TCF12: variants seen among roughly 807,000 people sequenced by gnomAD.
The protein encoded by TCF12 is transcription factor 12, also known as DNA-binding protein HTF4.
Under a neutral mutation model 86.0 loss-of-function variants are expected in TCF12, and 45 were observed. The ratio of observed to expected loss-of-function variants is 0.52; its 90% CI spans 0.41 to 0.67. The LOEUF is 0.67. Among genes scored for constraint, TCF12 ranks in the 30% least tolerant of loss-of-function variants. The probability of loss-of-function intolerance (pLI) is 0.00; values close to 1 mark genes in which losing one functional copy is unlikely to be tolerated. For synonymous variants in TCF12, 330 were observed against 299.6 expected, an observed-to-expected ratio of 1.10 and a Z score of -1.05; for missense variants, 881 against 859.9, an observed-to-expected ratio of 1.02 and a Z score of -0.31.
Position 57,282,442 on chromosome 15 carries a change from T to C in TCF12, c.1979-3T>C, listed in dbSNP as rs2152135053. 6.2e-7 allele frequency: 1 copy of C among 1,614,144 alleles called. No homozygotes were observed. The highest frequency in any genetic ancestry group is 8.5e-7 in the Non-Finnish European group (1 of 1,180,032). On this transcript the variant is annotated splice_region_variant and splice_polypyrimidine_tract_variant and intron_variant, in intron 19 of 20. Coordinates refer to ENST00000333725, the MANE Select transcript of TCF12 (RefSeq NM_207037.2). The stretch of plus-strand genomic sequence containing the variant: ...TGATAAAAATTCTTTCCCCCTGTTT[T>C]AGAGAGGAACCTTAACCCCAAAGCA...
chr15:56,926,458 A>G (rs1291818724), intron 3 of TCF12, among the ~76,000 whole-genome samples: 1 of 152,244 alleles, frequency 6.6e-6, no homozygotes, highest in East Asian at 1.9e-4. Flanking sequence ...CTGAAGAGTC[A>G]GGGAACTGGC....
chr15:56,998,309 T>A (rs569429146), intron 3 of TCF12, among the ~76,000 whole-genome samples: 1 of 151,880 alleles, frequency 6.6e-6, no homozygotes, highest in African/African-American at 2.4e-5. Flanking sequence ...ATACAAAAAT[T>A]AGTTGGGTGT....
rs1056701399 is a variant in TCF12, at chr15:56,963,424, C to T, written c.148+42326C>T. On this transcript the variant is annotated intron_variant, in intron 3 of 20. Coordinates refer to ENST00000333725, the MANE Select transcript of TCF12 (RefSeq NM_207037.2). ...TGTCTGAGGAAAGCTTAGTTCTAGG[C>T]AGAATTTAGCTTTGTTGTTTTTGAT... 3.0e-4 allele frequency among the ~76,000 whole-genome samples: 46 copies of T among 152,140 alleles called. 1 individual carries two copies. The highest frequency in any genetic ancestry group is 5.9e-5 in the Non-Finnish European group (4 of 68,012).
intron 2 of TCF12, among the ~76,000 whole-genome samples, chr15:56,920,506 G>GTGTGTGTGTGTGTGTA (rs770350482): frequency 2.6e-5 from 4 of 151,050 alleles, no homozygotes; most frequent in Admixed American, 6.6e-5. Context: ...GTGTGTGTGT[G>GTGTGTGTGTGTGTGTA]TGTATTATGT....
chr15:57,213,495 A>G (rs2058202599), intron 8 of TCF12, among the ~76,000 whole-genome samples: 1 of 152,252 alleles, frequency 6.6e-6, no homozygotes, highest in Admixed American at 6.5e-5. Flanking sequence ...ATTGGGGACC[A>G]AAAAATAACT....
rs542412451 is a variant in TCF12 at position 57,286,503 on chromosome 15, A to G, written c.*358A>G. The G allele has an allele frequency of 2.6e-6, 1 of 391,344 alleles. No individual in the cohort carries two copies. Among genetic ancestry groups the G allele is most frequent in the Admixed American group, 3.3e-5 (1 of 30,524 alleles). The allele number at this position is 391,344 out of a possible 1,614,324, so 24.2% of individuals were successfully genotyped here. On this transcript the variant is annotated 3_prime_UTR_variant, in exon 21 of 21. Transcript: ENST00000333725. ...CTGAATTGACAAATGCATTGTAACTACAAATTTTATTTATTGTTATGAAAC... is the reference window on the plus strand; with the variant it reads ...CTGAATTGACAAATGCATTGTAACTGCAAATTTTATTTATTGTTATGAAAC...
At chr15:57,229,801 C>G (rs1156414791) in intron 8 of TCF12, among the ~76,000 whole-genome samples, 1 of 151,860 alleles carries the variant, frequency 6.6e-6, no homozygotes, top group Non-Finnish European at 1.5e-5. Flanking sequence ...TCTCCTCATG[C>G]AAGTAGTGTT....
chr15:57,075,707 A>G (rs2069831944), intron 4 of TCF12, among the ~76,000 whole-genome samples: 1 of 151,944 alleles, frequency 6.6e-6, no homozygotes, highest in South Asian at 2.1e-4. Flanking sequence ...CTCATTAGAC[A>G]AATGAACTTG....
chr15:56,977,248 A>G (rs1429246775), intron 3 of TCF12, among the ~76,000 whole-genome samples: 5 of 152,086 alleles, frequency 3.3e-5, no homozygotes, highest in African/African-American at 1.2e-4. Flanking sequence ...TTTTTAAATA[A>G]AAGGCCAGGT....
rs141884376 is a variant in TCF12 at position 57,232,791 on chromosome 15, C to A, written c.905C>A (p.Thr302Asn). ...ATGTCCAGCTTTCATCGCGGCAGTA[C>A]CAGCAGTTCACCTTACGTTGCTGCC... is the stretch of plus-strand genomic sequence containing the variant. The part of the protein sequence containing the change: ...PPMSSFHRGS[T>N]SSSPYVAASH... Residue 302 changes from threonine (T) to asparagine (N), a missense_variant, in exon 11 of 21, where the codon ACC becomes AAC. By Grantham distance (65) the Thr-to-Asn change is moderately conservative. Around this residue, in one of 3 missense-constraint regions of TCF12, gnomAD observed 766 missense variants for 718.9 expected, o/e 1.07. Transcript: ENST00000333725. The A allele has an allele frequency of 1.9e-6, 3 of 1,612,756 alleles. No homozygotes were observed. The highest frequency in any genetic ancestry group is 2.5e-6 in the Non-Finnish European group (3 of 1,179,432).
intron 3 of TCF12, among the ~76,000 whole-genome samples, chr15:57,020,709 T>C (rs1373940208): frequency 3.3e-5 from 5 of 152,186 alleles, no homozygotes. Context: ...TTTTTTTATA[T>C]GGGCAGTTAG....
chr15:56,948,777 A>G (rs2140424569), intron 3 of TCF12, among the ~76,000 whole-genome samples: 2 of 152,330 alleles, frequency 1.3e-5, no homozygotes, highest in Admixed American at 6.5e-5. Context: ...TTACTTGCCT[A>G]TTCACCTTCC....
intron 3 of TCF12, among the ~76,000 whole-genome samples, chr15:57,059,320 C>T (rs1242892051): frequency 6.6e-6 from 1 of 152,190 alleles, no homozygotes; most frequent in African/African-American, 2.4e-5. Context: ...GATGGGCTCT[C>T]ATTTATGATA....
intron 5 of TCF12, among the ~76,000 whole-genome samples, chr15:57,099,204 A>G (rs2049551474): frequency 6.6e-6 from 1 of 152,256 alleles, no homozygotes; most frequent in Admixed American, 6.5e-5. Flanking sequence ...GTTAGAATGA[A>G]TTTTGATAGC....
rs1392250540 is a variant in TCF12 at position 56,918,807 on chromosome 15, T to C, written c.-122T>C. On this transcript the variant is annotated 5_prime_UTR_variant, in exon 1 of 21. Transcript: ENST00000333725. ...ACCCGAGAGCTCGTGCGGGGCAAAG[T>C]GAACCGAGCCGCTGGGCGGTGCAAG... 6.3e-6 allele frequency: 1 copy of C among 157,906 alleles called. No individual in the cohort carries two copies. Among genetic ancestry groups the C allele is most frequent in the Admixed American group, 6.1e-5 (1 of 16,314 alleles). The allele number at this position is 157,906 out of a possible 1,614,324, so 9.8% of individuals were successfully genotyped here. A position where few individuals can be genotyped will look rare whatever the true frequency, so the allele number is the denominator to read the frequency against.
intron 3 of TCF12, among the ~76,000 whole-genome samples, chr15:56,925,240 G>GCCCCCCCCCCCCCCCCCCCCCCC (rs11465192): frequency 4.3e-4 from 58 of 136,322 alleles, no homozygotes; most frequent in Non-Finnish European, 5.0e-4. Context: ...GGTGTCCACC[G>GCCCCCCCCCCCCCCCCCCCCCCC]CCCCCCCACC....
chr15:57,259,428 A>G (rs1424620707), intron 16 of TCF12, among the ~76,000 whole-genome samples: 1 of 152,238 alleles, frequency 6.6e-6, no homozygotes, highest in Non-Finnish European at 1.5e-5. Context: ...GCTGTTTTCC[A>G]GTTTGTCCCT....
At chr15:57,073,221 A>C (rs192692684) in intron 4 of TCF12, among the ~76,000 whole-genome samples, 1 of 152,296 alleles carries the variant, frequency 6.6e-6, no homozygotes, top group Admixed American at 6.5e-5. Flanking sequence ...TAATCTTTAT[A>C]GTTTTCTTTT....
intron 8 of TCF12, among the ~76,000 whole-genome samples, chr15:57,218,396 T>G (rs1245792775): frequency 6.6e-6 from 1 of 152,242 alleles, no homozygotes; most frequent in Non-Finnish European, 1.5e-5. Flanking sequence ...GGAAAACATT[T>G]AAATAGCAAA....
Sources: allele counts gnomAD v4.1 joint callset (sites outside exome capture counted in the v4.1 genomes callset), GRCh38; gene constraint gnomAD v4.1.1; regional missense constraint gnomAD v4.1.1; transcripts MANE v1.5; gene names NCBI Gene and HGNC (gene_info 2026-07-23, HGNC 2026-07-21).